PCDHA3: variants seen among roughly 807,000 people sequenced by gnomAD.
PCDHA3 encodes protocadherin alpha 3, also known as protocadherin alpha-3.
PCDHA3 carries 41 observed loss-of-function variants against 62.2 expected under a neutral mutation model. That is an observed-to-expected ratio of 0.66 (90% confidence interval 0.51 to 0.86). The LOEUF (loss-of-function observed/expected upper bound fraction) is 0.86, where lower values mean the gene tolerates loss of function less well. Among genes scored for constraint, PCDHA3 ranks in the 40% least tolerant of loss-of-function variants. PCDHA3 has a pLI of 0.00. For synonymous variants in PCDHA3, 640 were observed against 555.4 expected (o/e 1.15, Z -2.14); for missense variants, 1,304 against 1,241.2 (o/e 1.05, Z -0.76).
rs2150228376 is a variant in PCDHA3, at chr5:140,834,869, C to A, written c.2394+31278C>A. On this transcript the variant is annotated intron_variant, in intron 1 of 3. Transcript: ENST00000522353. ...TAGAGGGCGCGTCCGATGCAGATAT[C>A]GGGGAGAACGCCCTGCTCACTTACA... 5.6e-6 allele frequency: 9 copies of A among 1,609,116 alleles called. No homozygotes were observed. The African/African-American group carries it at 9.5e-5, about 17-fold the overall frequency.
At chr5:140,972,005 C>T (rs1236779874) in intron 1 of PCDHA3, among the ~76,000 whole-genome samples, 1 of 151,980 alleles carries the variant, frequency 6.6e-6, no homozygotes, top group Admixed American at 6.6e-5. Flanking sequence ...GTTTATATTC[C>T]CTTTTATATG....
intron 1 of PCDHA3, among the ~76,000 whole-genome samples, chr5:140,890,263 A>G (rs1357896634): frequency 6.6e-6 from 1 of 152,194 alleles, no homozygotes; most frequent in Admixed American, 6.5e-5. Flanking sequence ...ACCTGATTGC[A>G]AGCAAGAACC....
chr5:140,995,285 C>G (rs1179283452), intron 3 of PCDHA3, among the ~76,000 whole-genome samples: 1 of 152,048 alleles, frequency 6.6e-6, no homozygotes, highest in African/African-American at 2.4e-5. Flanking sequence ...ACCAAAACAG[C>G]CAGTCGGATA....
chr5:140,925,671 A>G (rs999903876), intron 1 of PCDHA3, among the ~76,000 whole-genome samples: 5 of 148,178 alleles, frequency 3.4e-5, no homozygotes, highest in African/African-American at 1.2e-4. Flanking sequence ...TAATAATAAT[A>G]ATAATAAAGC....
intron 1 of PCDHA3, chr5:140,863,746 C>T (rs902419131): frequency 8.2e-6 from 2 of 244,508 alleles, no homozygotes; most frequent in Non-Finnish European, 1.6e-5. Context: ...TATTTGTAAT[C>T]CCGGCACTTT....
At chr5:140,982,592 C>G (rs376230429) in intron 3 of PCDHA3, 29 bp downstream of exon 3, 3 of 1,610,372 alleles carry the variant, frequency 1.9e-6, no homozygotes, top group Non-Finnish European at 2.5e-6. Flanking sequence ...TCCATTCTTT[C>G]TTGGTTTCTG....
At chr5:140,857,138 G>A in intron 1 of PCDHA3, 2 of 1,598,300 alleles carry the variant, frequency 1.3e-6, no homozygotes, top group Non-Finnish European at 1.7e-6. Context: ...AGATGCTCAA[G>A]TGGGCACCGT....
chr5:140,981,024 A>G (rs2096915063), intron 2 of PCDHA3, among the ~76,000 whole-genome samples: 2 of 152,112 alleles, frequency 1.3e-5, no homozygotes, highest in Admixed American at 6.5e-5. Flanking sequence ...AAGGCTGTTA[A>G]TATTTGGGGA....
chr5:140,822,696 G>A (rs2150118685), intron 1 of PCDHA3: 1 of 1,610,120 alleles, frequency 6.2e-7, no homozygotes, highest in Non-Finnish European at 8.5e-7. Flanking sequence ...ACGGGGAACT[G>A]GATTATGAAG....
intron 1 of PCDHA3, chr5:140,867,745 A>G (rs1342140044): frequency 6.6e-6 from 1 of 152,108 alleles, no homozygotes. Flanking sequence ...CAAGCAAGTT[A>G]CAACTTCAGG....
intron 1 of PCDHA3, chr5:140,865,984 C>CT (rs1421738889): frequency 1.3e-5 from 2 of 152,088 alleles, no homozygotes; most frequent in Non-Finnish European, 2.9e-5. Context: ...TGAGATGGCA[C>CT]TAAGTTTTTT....
intron 1 of PCDHA3, chr5:140,876,682 T>C (rs782271076): frequency 5.6e-6 from 9 of 1,614,180 alleles, no homozygotes; most frequent in Non-Finnish European, 4.2e-6. Context: ...CTACAAGAAT[T>C]ACTACTCGTT....
At chr5:140,835,778 G>A in intron 1 of PCDHA3, 1 of 1,613,340 alleles carries the variant, frequency 6.2e-7, no homozygotes, top group Non-Finnish European at 8.5e-7. Flanking sequence ...TGTTCGTGAA[G>A]GAGAACAACC....
At chr5:140,851,058 T>G in intron 1 of PCDHA3, 1 of 1,377,986 alleles carries the variant, frequency 7.3e-7, no homozygotes, top group African/African-American at 1.5e-5. Context: ...TTGTCTTGAC[T>G]TCTAGTGAGA....
intron 1 of PCDHA3, among the ~76,000 whole-genome samples, chr5:140,944,059 T>C (rs190208662): frequency 6.6e-6 from 1 of 152,296 alleles, no homozygotes; most frequent in East Asian, 1.9e-4. Flanking sequence ...TACAAAAAGG[T>C]TTCTTGTTAA....
intron 1 of PCDHA3, chr5:140,882,683 C>G (rs1554175163): frequency 6.2e-7 from 1 of 1,614,148 alleles, no homozygotes; most frequent in Non-Finnish European, 8.5e-7. Flanking sequence ...AAGCAAGAAA[C>G]GAATAATCAT....
At position 140,853,718 on chromosome 5, in the gene PCDHA3, C is replaced by T. The variant is rs1472931739; in HGVS notation, c.2394+50127C>T. ...TGCTAACGCATTAGCATTAGCAGCA[C>T]CTAAGTCCTCATTGAATGTTCTGGT... is the stretch of plus-strand genomic sequence containing the variant. On this transcript the variant is annotated intron_variant, in intron 1 of 3. Transcript: ENST00000522353. 3 of 988,280 alleles carry T rather than the reference C, an allele frequency of 3.0e-6. No homozygotes were observed. The African/African-American group carries it at 5.3e-5, about 17-fold the overall frequency. 61.2% of individuals were successfully genotyped at this position (988,280 alleles called of 1,614,324 possible).
At chr5:140,821,693 AT>A (rs1199376177) in intron 1 of PCDHA3, 3 of 1,399,368 alleles carry the variant, frequency 2.1e-6, no homozygotes, top group Admixed American at 4.5e-5. Flanking sequence ...AATATAAAAA[AT>A]ATATAGTTAA....
intron 1 of PCDHA3, chr5:140,841,629 G>T: frequency 6.2e-7 from 1 of 1,614,156 alleles, no homozygotes; most frequent in Non-Finnish European, 8.5e-7. Flanking sequence ...GCGGAGTGCA[G>T]CATCCACCTG....
Sources: gnomAD v4.1 joint callset for allele counts (sites outside exome capture counted in the v4.1 genomes callset) on GRCh38, gnomAD v4.1.1 for gene constraint, MANE v1.5 for transcripts, NCBI Gene and HGNC (gene_info 2026-07-23, HGNC 2026-07-21) for gene names.